The following NEGR1 variants were observed in gnomAD, a reference collection of about 807,000 sequenced individuals.
The protein encoded by NEGR1 is neuronal growth regulator 1.
In NEGR1, 10 loss-of-function variants were observed where a neutral mutation model predicts 40.9. The observed-to-expected ratio is 0.24, with a 90% CI of 0.15 to 0.42. The LOEUF (loss-of-function observed/expected upper bound fraction) is 0.42, where lower values mean the gene tolerates loss of function less well. NEGR1 is among the 10% of genes least tolerant of loss of function. NEGR1 has a pLI of 1.00. For synonymous variants in NEGR1, 185 were observed against 166.8 expected, an observed-to-expected ratio of 1.11 and a Z score of -0.84; for missense variants, 352 against 438.9, an observed-to-expected ratio of 0.80 and a Z score of 1.77.
intron 1 of NEGR1, among the ~76,000 whole-genome samples, chr1:72,178,636 A>C (rs1050581130): frequency 1.1e-4 from 17 of 151,494 alleles, no homozygotes; most frequent in African/African-American, 4.1e-4. Flanking sequence ...ACTAACTTAC[A>C]TTCCCACCAG....
At chr1:72,203,205 G>C (rs1441873126) in intron 1 of NEGR1, among the ~76,000 whole-genome samples, 2 of 152,040 alleles carry the variant, frequency 1.3e-5, no homozygotes, top group African/African-American at 4.8e-5. Context: ...TCTGAGTAAA[G>C]GAAATTGAAA....
At chr1:71,928,698 G>T (rs1645825344) in intron 2 of NEGR1, among the ~76,000 whole-genome samples, 1 of 151,508 alleles carries the variant, frequency 6.6e-6, no homozygotes, top group South Asian at 2.1e-4. Flanking sequence ...TGCAAAACTG[G>T]ACATTTCAGA....
At chr1:72,087,751 C>CTTTTTTT (rs1194408394) in intron 1 of NEGR1, among the ~76,000 whole-genome samples, 1 of 95,072 alleles carries the variant, frequency 1.1e-5, no homozygotes, top group African/African-American at 4.0e-5. Context: ...TGCCACTGTG[C>CTTTTTTT]TTTTTTTTTT....
chr1:71,400,048 A>T lies in NEGR1; in HGVS notation c.*7398T>A, dbSNP rs1646236885. On this transcript the variant is annotated 3_prime_UTR_variant, in exon 7 of 7. Transcript: ENST00000357731. ...GGGAGGTCTAAGTCTGCTGTGACTT[A>T]GTGTAAAGTTAACTCCTTTTTGAAT... 6.6e-6 allele frequency: 1 copy of T among 152,208 alleles called. No homozygotes were observed. Among genetic ancestry groups the T allele is most frequent in the Non-Finnish European group, 1.5e-5 (1 of 68,038 alleles). The allele number at this position is 152,208 out of a possible 1,614,324, so 9.4% of individuals were successfully genotyped here.
intron 3 of NEGR1, among the ~76,000 whole-genome samples, chr1:71,759,236 T>C (rs1323629834): frequency 6.6e-6 from 1 of 151,314 alleles, no homozygotes; most frequent in African/African-American, 2.4e-5. Flanking sequence ...TCAGCATGAA[T>C]TAGCATGAAA....
At chr1:71,692,612 GGT>G (rs1653324343) in intron 4 of NEGR1, among the ~76,000 whole-genome samples, 4 of 151,704 alleles carry the variant, frequency 2.6e-5, no homozygotes, top group African/African-American at 7.2e-5. Flanking sequence ...TTAAAAAACT[GGT>G]CATTTCCCTA....
chr1:72,278,020 A>C lies in NEGR1; in HGVS notation c.176+4299T>G, dbSNP rs147837609. ...TAATAAAAAGGCAAATGTTGTGAAC[A>C]AATAGGATAAGCAATAATAAATACT... On this transcript the variant is annotated intron_variant, in intron 1 of 6. Transcript: ENST00000357731. Among the ~76,000 whole-genome samples the C allele has an allele frequency of 7.2e-3, 1,094 of 152,298 alleles. 11 individuals are homozygous for C. Among genetic ancestry groups the C allele is most frequent in the African/African-American group, 0.023 (949 of 41,576 alleles).
At chr1:72,057,054 CTCTT>C (rs1485259532) in intron 1 of NEGR1, among the ~76,000 whole-genome samples, 1 of 151,588 alleles carries the variant, frequency 6.6e-6, no homozygotes. Flanking sequence ...GTTTTAGAAG[CTCTT>C]TCTTTCCCAC....
At chr1:71,430,730 G>A (rs867621570) in intron 6 of NEGR1, among the ~76,000 whole-genome samples, 4 of 131,802 alleles carry the variant, frequency 3.0e-5, no homozygotes, top group South Asian at 2.4e-4. Flanking sequence ...TTTTTGAGAC[G>A]GAGTCTCGCT....
At chr1:71,832,117 T>C (rs1658864146) in intron 2 of NEGR1, among the ~76,000 whole-genome samples, 1 of 151,182 alleles carries the variant, frequency 6.6e-6, no homozygotes, top group Non-Finnish European at 1.5e-5. Context: ...GAGAGAGTAA[T>C]GGGAAAGGAG....
chr1:71,432,843 G>T (rs1646478670), intron 6 of NEGR1, among the ~76,000 whole-genome samples: 1 of 152,148 alleles, frequency 6.6e-6, no homozygotes, highest in South Asian at 2.1e-4. Context: ...ATAAGCTCCT[G>T]GATGGTGTTG....
intron 4 of NEGR1, among the ~76,000 whole-genome samples, chr1:71,666,835 C>CCCAAGGGCAGTCTGCTTGGCGTGAGCTA (rs1652260432): frequency 6.6e-6 from 1 of 152,080 alleles, no homozygotes; most frequent in South Asian, 2.1e-4. Flanking sequence ...CATTGCAAAC[C>CCCAAGGGCAGTCTGCTTGGCGTGAGCTA]ACATTCAACC....
chr1:71,857,626 C>CAA (rs59343025), intron 2 of NEGR1, among the ~76,000 whole-genome samples: 818 of 53,396 alleles, frequency 0.015, 53 homozygotes, highest in African/African-American at 0.045. Context: ...GATCCTGTCT[C>CAA]AAAAAAAAAA....
chr1:72,010,750 G>A lies in NEGR1; in HGVS notation c.177-75439C>T, dbSNP rs376608865. Among the ~76,000 whole-genome samples the A allele has an allele frequency of 3.3e-5, 5 of 152,256 alleles. No individual in the cohort carries two copies. The East Asian group carries it at 7.7e-4, about 24-fold the overall frequency. ...GAGGGGGCACATTGTATAAGCGTAG[G>A]AAGATGTGAGCATTTGTTTGCTGGT... On this transcript the variant is annotated intron_variant, in intron 1 of 6. Coordinates refer to ENST00000357731, the MANE Select transcript of NEGR1 (RefSeq NM_173808.3).
chr1:72,192,880 T>G (rs1652865964), intron 1 of NEGR1, among the ~76,000 whole-genome samples: 1 of 151,908 alleles, frequency 6.6e-6, no homozygotes, highest in Admixed American at 6.6e-5. Flanking sequence ...TGTGTAATAC[T>G]TATAAGCAAT....
intron 6 of NEGR1, among the ~76,000 whole-genome samples, chr1:71,542,139 A>G (rs1647727470): frequency 6.6e-6 from 1 of 151,786 alleles, no homozygotes; most frequent in Non-Finnish European, 1.5e-5. Flanking sequence ...AAATAAGTCC[A>G]AGGTACTTCT....
Position 71,396,554 on chromosome 1 carries a change from T to C in NEGR1, c.*10892A>G, listed in dbSNP as rs1382132023. 6.6e-6 allele frequency: 1 copy of C among 152,190 alleles called. No individual in the cohort carries two copies. The highest frequency in any genetic ancestry group is 2.4e-5 in the African/African-American group (1 of 41,448). The allele number at this position is 152,190 out of a possible 1,614,324, so 9.4% of individuals were successfully genotyped here. On this transcript the variant is annotated 3_prime_UTR_variant, in exon 7 of 7. Transcript: ENST00000357731. The stretch of plus-strand genomic sequence containing the variant: ...CAACATAAAAATCAAAACCATTTGA[T>C]ATTGTTTGGCCATGTCCCCACACAA...
chr1:71,845,710 G>C (rs1362372709), intron 2 of NEGR1, among the ~76,000 whole-genome samples: 1 of 145,522 alleles, frequency 6.9e-6, no homozygotes, highest in South Asian at 2.3e-4. Flanking sequence ...AAGGACAATA[G>C]AGCCAGATCT....
chr1:72,094,823 T>C (rs1356715537), intron 1 of NEGR1, among the ~76,000 whole-genome samples: 4 of 152,192 alleles, frequency 2.6e-5, no homozygotes, highest in African/African-American at 9.7e-5. Context: ...GGACCAAAAG[T>C]AATATGAGTA....
Sources: allele counts gnomAD v4.1 joint callset (sites outside exome capture counted in the v4.1 genomes callset), GRCh38; gene constraint gnomAD v4.1.1; transcripts MANE v1.5; gene names NCBI Gene and HGNC (gene_info 2026-07-23, HGNC 2026-07-21).